RBMS3: variants seen among roughly 807,000 people sequenced by gnomAD.
The protein encoded by RBMS3 is RNA binding motif single stranded interacting protein 3, also known as RNA-binding motif, single-stranded-interacting protein 3.
RBMS3 carries 27 observed loss-of-function variants against 66.8 expected under a neutral mutation model. That is an observed-to-expected ratio of 0.40 (90% CI 0.30 to 0.56). The LOEUF (loss-of-function observed/expected upper bound fraction) is 0.56, where lower values mean the gene tolerates loss of function less well. RBMS3 is among the 20% of genes least tolerant of loss of function. The probability of loss-of-function intolerance (pLI) is 0.40; values close to 1 mark genes in which losing one functional copy is unlikely to be tolerated. For missense variants in RBMS3, 513 were observed against 549.5 expected, an observed-to-expected ratio of 0.93 and a Z score of 0.66; for synonymous variants, 188 against 183.0, an observed-to-expected ratio of 1.03 and a Z score of -0.22.
intron 10 of RBMS3, among the ~76,000 whole-genome samples, chr3:29,905,038 T>C (rs1485019943): frequency 1.3e-5 from 2 of 152,054 alleles, no homozygotes; most frequent in African/African-American, 4.8e-5. Context: ...AATGTATCAG[T>C]CTTTCTTTTA....
At chr3:29,410,744 T>C (rs2040231282) in intron 1 of RBMS3, among the ~76,000 whole-genome samples, 1 of 152,214 alleles carries the variant, frequency 6.6e-6, no homozygotes, top group South Asian at 2.1e-4. Flanking sequence ...ATGAGCCCTC[T>C]GTTTAAAAAT....
At chr3:29,729,904 A>T (rs1458500261) in intron 4 of RBMS3, among the ~76,000 whole-genome samples, 1 of 152,158 alleles carries the variant, frequency 6.6e-6, no homozygotes, top group Admixed American at 6.6e-5. Flanking sequence ...CAGCTTTCTC[A>T]CATGTAAAAT....
rs141099491 is a variant in RBMS3 at position 29,965,768 on chromosome 3, A to G, written c.1098+21514A>G. On this transcript the variant is annotated intron_variant, in intron 12 of 14. Coordinates refer to ENST00000383767, the MANE Select transcript of RBMS3 (RefSeq NM_001003793.3). ...AAAACTTTATCTTTGTTTTTATTGC[A>G]TTTGCTTTTGGGTTGTTGGTCATGA... is the stretch of plus-strand genomic sequence containing the variant. Among the ~76,000 whole-genome samples the G allele has an allele frequency of 9.3e-3, 1,415 of 152,200 alleles. 61 individuals carry two copies. The highest frequency in any genetic ancestry group is 0.075 in the Admixed American group (1,147 of 15,268).
At chr3:29,480,422 A>T (rs553552784) in intron 2 of RBMS3, among the ~76,000 whole-genome samples, 1 of 152,320 alleles carries the variant, frequency 6.6e-6, no homozygotes, top group South Asian at 2.1e-4. Flanking sequence ...CTGGAACATG[A>T]TGGAAGAGAA....
intron 3 of RBMS3, among the ~76,000 whole-genome samples, chr3:29,507,522 G>A (rs574974446): frequency 6.6e-6 from 1 of 152,058 alleles, no homozygotes; most frequent in South Asian, 2.1e-4. Context: ...ATCTATGTAT[G>A]CTCTGCTAAT....
intron 6 of RBMS3, among the ~76,000 whole-genome samples, chr3:29,847,666 A>AT (rs1477312105): frequency 1.7e-4 from 25 of 145,774 alleles, no homozygotes; most frequent in Admixed American, 1.6e-3. Context: ...TTTATTTTTT[A>AT]TTTTTTTGAG....
At chr3:29,370,417 G>T (rs2038140101) in intron 1 of RBMS3, among the ~76,000 whole-genome samples, 2 of 152,122 alleles carry the variant, frequency 1.3e-5, no homozygotes, top group Admixed American at 1.3e-4. Flanking sequence ...TATTGCTTTT[G>T]ATAATGTGTG....
intron 4 of RBMS3, among the ~76,000 whole-genome samples, chr3:29,695,607 A>G (rs1302702970): frequency 6.6e-6 from 1 of 152,082 alleles, no homozygotes; most frequent in African/African-American, 2.4e-5. Context: ...GTGAAATCTC[A>G]GGCAGCCCTC....
Position 29,991,226 on chromosome 3 carries a change from C to G in RBMS3, c.1307+17C>G, listed in dbSNP as rs1176621615. On this transcript the variant is annotated intron_variant, in intron 14 of 14. Transcript: ENST00000383767. ...ACAGTCTAAGTAAGTCTGGGCTGTG[C>G]TAAGCTCTTTTCCTCAAGATCAGCC... is the stretch of plus-strand genomic sequence containing the variant. 12 of 1,613,858 alleles carry G rather than the reference C, an allele frequency of 7.4e-6. No homozygotes were observed. The highest frequency in any genetic ancestry group is 9.3e-6 in the Non-Finnish European group (11 of 1,179,942).
Position 29,746,906 on chromosome 3 carries a change from C to T in RBMS3, c.557+7029C>T, listed in dbSNP as rs557807852. On this transcript the variant is annotated intron_variant, in intron 5 of 14. Transcript: ENST00000383767. ...ACGAAATAATGCCCTCTGTGAAATG[C>T]GGAGAGAGTTCTGAAAAATTATTTA... 9.2e-5 allele frequency among the ~76,000 whole-genome samples: 14 copies of T among 152,152 alleles called. No individual in the cohort carries two copies. In the East Asian group the frequency reaches 1.2e-3, roughly 13 times the overall value.
At chr3:29,838,038 A>G (rs533901340) in intron 6 of RBMS3, among the ~76,000 whole-genome samples, 1 of 151,794 alleles carries the variant, frequency 6.6e-6, no homozygotes, top group Non-Finnish European at 1.5e-5. Flanking sequence ...TTAAAAAAAA[A>G]TAAGACTGGG....
chr3:29,908,726 A>C (rs1353374432), intron 10 of RBMS3, among the ~76,000 whole-genome samples: 1 of 152,180 alleles, frequency 6.6e-6, no homozygotes, highest in African/African-American at 2.4e-5. Flanking sequence ...ATCAACAAAT[A>C]ATAAAAACAA....
At chr3:29,660,610 T>G (rs548419961) in intron 4 of RBMS3, among the ~76,000 whole-genome samples, 7 of 127,708 alleles carry the variant, frequency 5.5e-5, no homozygotes, top group East Asian at 1.9e-4. Context: ...GTTAGCTGGG[T>G]TTTTTTTTAT....
intron 2 of RBMS3, among the ~76,000 whole-genome samples, chr3:29,474,530 AC>A (rs1451574633): frequency 2.0e-5 from 3 of 152,208 alleles, no homozygotes; most frequent in Non-Finnish European, 1.5e-5. Context: ...CATAGGATTA[AC>A]ATCCTCATTT....
chr3:29,508,564 T>A (rs530687449), intron 3 of RBMS3, among the ~76,000 whole-genome samples: 1 of 152,246 alleles, frequency 6.6e-6, no homozygotes, highest in Admixed American at 6.5e-5. Flanking sequence ...TATTCCATGG[T>A]GTATATATGC....
intron 6 of RBMS3, among the ~76,000 whole-genome samples, chr3:29,844,226 C>T (rs2058726995): frequency 2.0e-5 from 3 of 152,128 alleles, no homozygotes; most frequent in South Asian, 2.1e-4. Context: ...GCTGAGAAAG[C>T]TCTTTGTTTT....
At chr3:29,896,963 C>A (rs1041414990) in intron 8 of RBMS3, among the ~76,000 whole-genome samples, 1 of 151,616 alleles carries the variant, frequency 6.6e-6, no homozygotes, top group Admixed American at 6.6e-5. Context: ...ATATCCATAA[C>A]TTTCTAGGAA....
chr3:29,625,056 T>C (rs1168277287), intron 4 of RBMS3, among the ~76,000 whole-genome samples: 1 of 152,126 alleles, frequency 6.6e-6, no homozygotes, highest in South Asian at 2.1e-4. Flanking sequence ...TGCAAAGTGT[T>C]TGGCTGTTCC....
In RBMS3 at chr3:29,316,011, A is replaced by G. The variant is rs193026208; in HGVS notation, c.75+34255A>G. 3.2e-4 allele frequency among the ~76,000 whole-genome samples: 49 copies of G among 151,854 alleles called. No homozygotes were observed. The Middle Eastern group carries it at 0.014, about 42-fold the overall frequency. ...ACTTTAGACTGTAAATTTTCCTTCA[A>G]ATGCTCTGTTGGCTACCTCTTATTG... On this transcript the variant is annotated intron_variant, in intron 1 of 14. Transcript: ENST00000383767.
Sources: gnomAD v4.1 joint callset for allele counts (sites outside exome capture counted in the v4.1 genomes callset) on GRCh38, gnomAD v4.1.1 for gene constraint, MANE v1.5 for transcripts, NCBI Gene and HGNC (gene_info 2026-07-23, HGNC 2026-07-21) for gene names.